The following EEF2K variants were observed in gnomAD, a reference collection of about 807,000 sequenced individuals.
EEF2K encodes the protein eukaryotic elongation factor 2 kinase, also known as alternative protein EEF2K.
A neutral mutation model predicts 93.8 loss-of-function variants in EEF2K; 70 were observed. That is an observed-to-expected ratio of 0.75 (90% CI 0.62 to 0.91). The LOEUF (loss-of-function observed/expected upper bound fraction) is 0.91. Ranked by LOEUF, EEF2K falls within the 40% of genes least tolerant of loss-of-function variation. The pLI is 0.00. For missense variants in EEF2K, 935 were observed against 972.9 expected (o/e 0.96, Z 0.52); for synonymous variants, 376 against 380.8 (o/e 0.99, Z 0.15).
intron 2 of EEF2K, among the ~76,000 whole-genome samples, chr16:22,234,341 G>A (rs2047145031): frequency 6.6e-6 from 1 of 152,166 alleles, no homozygotes; most frequent in African/African-American, 2.4e-5. Flanking sequence ...TGGATCACCT[G>A]AGGTCAGGAG....
intron 15 of EEF2K, among the ~76,000 whole-genome samples, chr16:22,270,901 A>C (rs979764924): frequency 6.7e-6 from 1 of 148,750 alleles, no homozygotes; most frequent in Non-Finnish European, 1.5e-5. Flanking sequence ...CTCTCTCTAT[A>C]ATCTCTCTCT....
intron 3 of EEF2K, among the ~76,000 whole-genome samples, chr16:22,247,816 G>A (rs571975266): frequency 1.1e-3 from 169 of 152,160 alleles, no homozygotes; most frequent in African/African-American, 9.4e-4. Context: ...CTTTCTACCC[G>A]TACACCGGCA....
At chr16:22,279,614 G>C (rs1190459753) in intron 16 of EEF2K, among the ~76,000 whole-genome samples, 3 of 151,842 alleles carry the variant, frequency 2.0e-5, no homozygotes, top group Non-Finnish European at 4.4e-5. Context: ...CATTATTTTT[G>C]ACTATAGTCA....
In EEF2K at chr16:22,285,144, G is replaced by A. The variant is rs1433838936; in HGVS notation, c.*1148G>A. The A allele has an allele frequency of 6.6e-6, 1 of 152,582 alleles. No individual in the cohort carries two copies. The highest frequency in any genetic ancestry group is 2.4e-5 in the African/African-American group (1 of 41,432). 9.5% of individuals were successfully genotyped at this position (152,582 alleles called of 1,614,324 possible). A position where few individuals can be genotyped will look rare whatever the true frequency, so the allele number is the denominator to read the frequency against. ...GTAAGGACAGCGGCTTGGAATGTGAGAGCCTTTTCTCCAAGCAGACCCACA... is the reference window on the plus strand; with the variant it reads ...GTAAGGACAGCGGCTTGGAATGTGAAAGCCTTTTCTCCAAGCAGACCCACA... On this transcript the variant is annotated 3_prime_UTR_variant, in exon 18 of 18. Coordinates refer to ENST00000263026, the MANE Select transcript of EEF2K (RefSeq NM_013302.5).
intron 1 of EEF2K, among the ~76,000 whole-genome samples, chr16:22,215,327 A>T (rs74606465): frequency 0.11 from 17,145 of 152,128 alleles, 1,149 homozygotes; most frequent in East Asian, 0.28. Context: ...TCCAGACCCT[A>T]TTCGCCTGCC....
chr16:22,266,200 C>T (rs907234570), intron 13 of EEF2K, among the ~76,000 whole-genome samples, 190 bp from the exon 14 acceptor site: 3 of 148,506 alleles, frequency 2.0e-5, no homozygotes, highest in African/African-American at 7.5e-5. Flanking sequence ...CCAACCTGGG[C>T]AATAGAGTGA....
At chr16:22,209,540 A>C (rs1022987580) in intron 1 of EEF2K, among the ~76,000 whole-genome samples, 4 of 152,208 alleles carry the variant, frequency 2.6e-5, no homozygotes, top group African/African-American at 9.6e-5. Context: ...AGAACAACTG[A>C]ATGATCAGGG....
chr16:22,225,697 A>G lies in EEF2K; in HGVS notation c.-33A>G, dbSNP rs1252694790. 1 of 1,608,486 alleles carries G rather than the reference A, an allele frequency of 6.2e-7. No homozygotes were observed. The highest frequency in any genetic ancestry group is 8.5e-7 in the Non-Finnish European group (1 of 1,176,856). ...TGTCCAGTAACTCTGGCTGTGCCGG[A>G]TACTGCTTGGGTAAAACGGGCACCC... On this transcript the variant is annotated 5_prime_UTR_variant, in exon 2 of 18. Transcript: ENST00000263026.
At chr16:22,279,234 C>T (rs1479425453) in intron 16 of EEF2K, among the ~76,000 whole-genome samples, 1 of 137,164 alleles carries the variant, frequency 7.3e-6, no homozygotes, top group Non-Finnish European at 1.5e-5. Flanking sequence ...AACTTGACTC[C>T]TCTTTTTTTT....
chr16:22,273,534 A>C, intron 15 of EEF2K, 92 bp from the exon 16 acceptor site: 1 of 1,542,850 alleles, frequency 6.5e-7, no homozygotes, highest in Non-Finnish European at 8.8e-7. Context: ...GCTCTCAAAA[A>C]ACAGGGTGAA....
chr16:22,207,122 G>T lies in EEF2K; in HGVS notation c.-77+443G>T, dbSNP rs560627902. On this transcript the variant is annotated intron_variant, in intron 1 of 17. Transcript: ENST00000263026. Reference sequence around the variant, plus strand: ...GGAACCTCCAGGACTGTATAGACGCGCCCTTGCTGCATTGTTGGCTGCGGG... The same window carrying T: ...GGAACCTCCAGGACTGTATAGACGCTCCCTTGCTGCATTGTTGGCTGCGGG... Among the ~76,000 whole-genome samples, 8 of 152,300 alleles carry T rather than the reference G, an allele frequency of 5.3e-5. No homozygotes were observed. The East Asian group carries it at 1.5e-3, about 29-fold the overall frequency.
At chr16:22,242,896 C>T (rs1334406192) in intron 2 of EEF2K, among the ~76,000 whole-genome samples, 1 of 151,804 alleles carries the variant, frequency 6.6e-6, no homozygotes, top group South Asian at 2.1e-4. Flanking sequence ...CAAGACCAGC[C>T]TGGGCAATAT....
intron 13 of EEF2K, among the ~76,000 whole-genome samples, chr16:22,265,711 C>T (rs1202826972): frequency 6.6e-6 from 1 of 152,232 alleles, no homozygotes; most frequent in African/African-American, 2.4e-5. Flanking sequence ...AGCATGCAAA[C>T]GTGCACACGC....
intron 3 of EEF2K, 124 bp downstream of exon 3, chr16:22,244,854 T>C (rs2047270987): frequency 2.1e-6 from 2 of 965,256 alleles, no homozygotes; most frequent in Admixed American, 2.2e-5. Context: ...CAGCAGCTAA[T>C]ATTGGCATGC....
At chr16:22,237,289 C>A (rs1011736447) in intron 2 of EEF2K, among the ~76,000 whole-genome samples, 1 of 151,806 alleles carries the variant, frequency 6.6e-6, no homozygotes, top group African/African-American at 2.4e-5. Context: ...TACTCAACAA[C>A]TGAGTTCCGG....
intron 1 of EEF2K, among the ~76,000 whole-genome samples, chr16:22,214,598 G>A (rs2046942602): frequency 6.6e-6 from 1 of 152,076 alleles, no homozygotes; most frequent in Non-Finnish European, 1.5e-5. Flanking sequence ...CCAGGAGTTG[G>A]AGGCTGCAGT....
intron 2 of EEF2K, among the ~76,000 whole-genome samples, chr16:22,240,595 A>G (rs572063520): frequency 6.6e-6 from 1 of 152,292 alleles, no homozygotes; most frequent in Non-Finnish European, 1.5e-5. Context: ...GGTTAGGCAA[A>G]TACCTTAAGG....
chr16:22,230,298 C>T lies in EEF2K; in HGVS notation c.246+4323C>T, dbSNP rs192329968. Among the ~76,000 whole-genome samples, 3 of 151,448 alleles carry T rather than the reference C, an allele frequency of 2.0e-5. No individual in the cohort carries two copies. In the East Asian group the frequency reaches 5.9e-4, roughly 30 times the overall value. On this transcript the variant is annotated intron_variant, in intron 2 of 17. Coordinates refer to ENST00000263026, the MANE Select transcript of EEF2K (RefSeq NM_013302.5). ...GTGTGATCCTGGCTCACTGCAACCTCCACTTCCTAGGTTCAAGTGATTCTT... is the reference window on the plus strand; with the variant it reads ...GTGTGATCCTGGCTCACTGCAACCTTCACTTCCTAGGTTCAAGTGATTCTT...
At chr16:22,256,243 A>T (rs907441666) in intron 6 of EEF2K, among the ~76,000 whole-genome samples, 2 of 151,914 alleles carry the variant, frequency 1.3e-5, no homozygotes, top group South Asian at 4.2e-4. Flanking sequence ...GATTACAGGC[A>T]TGTGCCACCA....
Sources: gnomAD v4.1 joint callset for allele counts (sites outside exome capture counted in the v4.1 genomes callset) on GRCh38, gnomAD v4.1.1 for gene constraint, MANE v1.5 for transcripts, NCBI Gene and HGNC (gene_info 2026-07-23, HGNC 2026-07-21) for gene names.